Variants in DPP10 observed in about 807,000 individuals in gnomAD.
The protein encoded by DPP10 is inactive dipeptidyl peptidase 10.
In DPP10, 33 loss-of-function variants were observed where a neutral mutation model predicts 120.9. The observed-to-expected ratio is 0.27, with a 90% CI of 0.21 to 0.37. DPP10 has a LOEUF of 0.37. DPP10 is among the 10% of genes least tolerant of loss of function. The probability of loss-of-function intolerance (pLI) is 1.00; values close to 1 mark genes in which losing one functional copy is unlikely to be tolerated. For synonymous variants in DPP10, 337 were observed against 326.1 expected (o/e 1.03, Z -0.36); for missense variants, 816 against 942.8 (o/e 0.87, Z 1.76).
chr2:115,614,660 G>A (rs1238453038), intron 5 of DPP10, among the ~76,000 whole-genome samples: 1 of 152,128 alleles, frequency 6.6e-6, no homozygotes, highest in African/African-American at 2.4e-5. Context: ...CCTGACCTCA[G>A]GTGATCCTCC....
chr2:114,713,448 A>T (rs933874755), intron 1 of DPP10, among the ~76,000 whole-genome samples: 17 of 152,178 alleles, frequency 1.1e-4, no homozygotes, highest in Admixed American at 7.9e-4. Flanking sequence ...ACTTAGCTAA[A>T]GCCCTATCGG....
chr2:114,766,780 C>G (rs115348015), intron 1 of DPP10, among the ~76,000 whole-genome samples: 6,775 of 151,864 alleles, frequency 0.045, 512 homozygotes, highest in African/African-American at 0.16. Flanking sequence ...GCCAGGGGGG[C>G]AGAGATAGGG....
At chr2:115,075,693 A>C (rs1707728251) in intron 1 of DPP10, among the ~76,000 whole-genome samples, 1 of 145,310 alleles carries the variant, frequency 6.9e-6, no homozygotes, top group South Asian at 2.3e-4. Context: ...AGAATGAGAT[A>C]GCAATGGTGA....
At chr2:114,508,611 G>T (rs1268744166) in intron 1 of DPP10, among the ~76,000 whole-genome samples, 3 of 152,126 alleles carry the variant, frequency 2.0e-5, no homozygotes, top group African/African-American at 4.8e-5. Context: ...CCCAGAAAAA[G>T]GACACTGGGT....
chr2:115,347,436 AT>A (rs1481245142), intron 3 of DPP10, among the ~76,000 whole-genome samples: 1 of 152,112 alleles, frequency 6.6e-6, no homozygotes, highest in Admixed American at 6.6e-5. Flanking sequence ...GAAGGTTAAA[AT>A]ATTTTTAAAT....
At chr2:115,602,234 A>G (rs945209011) in intron 5 of DPP10, among the ~76,000 whole-genome samples, 10 of 152,194 alleles carry the variant, frequency 6.6e-5, no homozygotes, top group Admixed American at 2.0e-4. Context: ...CCAGAGATCA[A>G]AGAACTATCA....
intron 1 of DPP10, among the ~76,000 whole-genome samples, chr2:114,455,544 C>CAAAAA (rs58126075): frequency 3.3e-5 from 4 of 120,522 alleles, no homozygotes; most frequent in African/African-American, 1.2e-4. Context: ...GACTCTGTCT[C>CAAAAA]AAAAAAAAAA....
chr2:114,484,181 T>C (rs1039996844), intron 1 of DPP10, among the ~76,000 whole-genome samples: 2 of 152,194 alleles, frequency 1.3e-5, no homozygotes, highest in Non-Finnish European at 1.5e-5. Context: ...GCCAGGTTCA[T>C]GTCCTGGATC....
intron 4 of DPP10, among the ~76,000 whole-genome samples, chr2:115,505,544 T>C (rs2076896333): frequency 2.6e-5 from 4 of 152,318 alleles, no homozygotes; most frequent in Admixed American, 6.5e-5. Context: ...TTTGGCTTCC[T>C]GAGAGGTCAG....
intron 1 of DPP10, among the ~76,000 whole-genome samples, chr2:115,130,068 T>G (rs949934315): frequency 6.6e-6 from 1 of 152,186 alleles, no homozygotes; most frequent in Non-Finnish European, 1.5e-5. Context: ...TAATTTTCCA[T>G]CTAATCAAAA....
At chr2:115,642,735 G>A (rs762819118) in intron 5 of DPP10, among the ~76,000 whole-genome samples, 12 of 151,698 alleles carry the variant, frequency 7.9e-5, no homozygotes, top group Non-Finnish European at 1.2e-4. Context: ...ATATGCATAT[G>A]CATTATATAT....
At chr2:115,802,819 G>T (rs1265723784) in intron 19 of DPP10, among the ~76,000 whole-genome samples, 1 of 152,162 alleles carries the variant, frequency 6.6e-6, no homozygotes, top group South Asian at 2.1e-4. Flanking sequence ...TTTCTGTTCT[G>T]TTACATTTGC....
At chr2:115,769,019 T>A (rs1388419428) in intron 13 of DPP10, among the ~76,000 whole-genome samples, 4 of 152,032 alleles carry the variant, frequency 2.6e-5, no homozygotes, top group Non-Finnish European at 5.9e-5. Flanking sequence ...ATGAAGGGTT[T>A]ATACAGTTTT....
intron 3 of DPP10, among the ~76,000 whole-genome samples, chr2:115,366,093 C>T (rs548019826): frequency 2.0e-5 from 3 of 152,062 alleles, no homozygotes; most frequent in African/African-American, 7.2e-5. Context: ...TTCTTGAGAG[C>T]TGATACTGAA....
chr2:115,833,532 C>T (rs1399333115), intron 21 of DPP10, among the ~76,000 whole-genome samples: 3 of 152,260 alleles, frequency 2.0e-5, no homozygotes, highest in Admixed American at 6.5e-5. Context: ...ACAGGTTCAA[C>T]GTACCTAATC....
chr2:115,642,925 C>T (rs1297455185), intron 5 of DPP10, among the ~76,000 whole-genome samples: 2 of 151,882 alleles, frequency 1.3e-5, no homozygotes, highest in East Asian at 3.9e-4. Flanking sequence ...CATAACCTGT[C>T]CAAATGTTTA....
In DPP10 at chr2:114,825,716, A is replaced by G. The variant is rs182628809; in HGVS notation, c.60+382878A>G. Among the ~76,000 whole-genome samples, 242 of 152,302 alleles carry G rather than the reference A, an allele frequency of 1.6e-3. 1 individual carries two copies. Among genetic ancestry groups the G allele is most frequent in the Non-Finnish European group, 2.2e-3 (150 of 68,028 alleles). Reference sequence around the variant, plus strand: ...GATAAAGAGACATATGCAATTTAATATTATTTAATGCGTGACGAGTCTGAT... The same window carrying G: ...GATAAAGAGACATATGCAATTTAATGTTATTTAATGCGTGACGAGTCTGAT... On this transcript the variant is annotated intron_variant, in intron 1 of 25. Transcript: ENST00000410059.
intron 3 of DPP10, among the ~76,000 whole-genome samples, chr2:115,351,940 G>A (rs993605386): frequency 6.6e-6 from 1 of 151,866 alleles, no homozygotes; most frequent in South Asian, 2.1e-4. Flanking sequence ...TACTAACTAC[G>A]ATATTCAAAC....
intron 4 of DPP10, among the ~76,000 whole-genome samples, chr2:115,524,856 A>G (rs2078030093): frequency 6.6e-6 from 1 of 152,142 alleles, no homozygotes; most frequent in Non-Finnish European, 1.5e-5. Flanking sequence ...GCTCTGTGCC[A>G]AGAACCAGAG....
Sources: gnomAD v4.1 joint callset for allele counts (sites outside exome capture counted in the v4.1 genomes callset) on GRCh38, gnomAD v4.1.1 for gene constraint, MANE v1.5 for transcripts, NCBI Gene and HGNC (gene_info 2026-07-23, HGNC 2026-07-21) for gene names.